Variants in GNAI1 observed in about 807,000 individuals in gnomAD.
The protein encoded by GNAI1 is guanine nucleotide-binding protein G(i) subunit alpha-1.
In GNAI1, 11 loss-of-function variants were observed where a neutral mutation model predicts 38.9. The observed-to-expected ratio is 0.28, with a 90% CI of 0.18 to 0.47. GNAI1 has a LOEUF of 0.47. Among genes scored for constraint, GNAI1 ranks in the 20% least tolerant of loss-of-function variants. The pLI is 0.99. For missense variants in GNAI1, 317 were observed against 436.9 expected, an observed-to-expected ratio of 0.73 and a Z score of 2.45; for synonymous variants, 166 against 145.1, an observed-to-expected ratio of 1.14 and a Z score of -1.04.
intron 1 of GNAI1, among the ~76,000 whole-genome samples, chr7:80,152,285 C>G (rs13244647): frequency 6.6e-6 from 1 of 152,046 alleles, no homozygotes. Context: ...TGGTATTTTT[C>G]CCTCTATTAG....
Position 80,135,202 on chromosome 7 carries a change from G to A in GNAI1, c.42G>A (p.Glu14=). 6.4e-7 allele frequency: 1 copy of A among 1,556,580 alleles called. No individual in the cohort carries two copies. The highest frequency in any genetic ancestry group is 1.2e-5 in the South Asian group (1 of 84,536). ...GCGCCGAGGACAAGGCGGCGGTGGA[G>A]CGGAGTAAGATGATCGACCGCAACC... ...TLSAEDKAAV[E]RSKMIDRNLR... is the part of the protein sequence containing the mutation. The change falls in exon 1 of 8, where the codon GAG becomes GAA. Residue 14 remains glutamate, a synonymous_variant. Coordinates refer to ENST00000649796, the MANE Select transcript of GNAI1 (RefSeq NM_002069.6).
At chr7:80,142,198 T>G (rs1039433245) in intron 1 of GNAI1, among the ~76,000 whole-genome samples, 1 of 152,158 alleles carries the variant, frequency 6.6e-6, no homozygotes, top group Non-Finnish European at 1.5e-5. Flanking sequence ...TTTTAGGTGT[T>G]TGTTATAGCA....
chr7:80,135,289 C>T lies in GNAI1; in HGVS notation c.118+11C>T, dbSNP rs35389352. 3,662 of 1,432,346 alleles carry T rather than the reference C, an allele frequency of 2.6e-3. 3 individuals are homozygous for T. Among genetic ancestry groups the T allele is most frequent in the Non-Finnish European group, 3.2e-3 (3,432 of 1,084,390 alleles). The allele number at this position is 1,432,346 out of a possible 1,614,324, so 88.7% of individuals were successfully genotyped here. A position where few individuals can be genotyped will look rare whatever the true frequency, so the allele number is the denominator to read the frequency against. Reference sequence around the variant, plus strand: ...AGCTGCTGCTGCTCGGTAAGGGCGGCCGGGTCGGGGCCCGGGGGTCGGCGG... The same window carrying T: ...AGCTGCTGCTGCTCGGTAAGGGCGGTCGGGTCGGGGCCCGGGGGTCGGCGG... On this transcript the variant is annotated intron_variant, in intron 1 of 7. Coordinates refer to ENST00000649796, the MANE Select transcript of GNAI1 (RefSeq NM_002069.6).
In GNAI1 at chr7:80,223,807, C is replaced by G. The variant is rs1014583505; in HGVS notation, c.*6314C>G. Reference sequence around the variant, plus strand: ...GTAATAAATATAACTTTTTTGCAGACTTGAGCATACGTTTAAACCATTTAA... The same window carrying G: ...GTAATAAATATAACTTTTTTGCAGAGTTGAGCATACGTTTAAACCATTTAA... On this transcript the variant is annotated 3_prime_UTR_variant, in exon 8 of 8. Coordinates refer to ENST00000649796, the MANE Select transcript of GNAI1 (RefSeq NM_002069.6). Among the ~76,000 whole-genome samples, 1 of 152,086 alleles carries G rather than the reference C, an allele frequency of 6.6e-6. No individual in the cohort carries two copies. The highest frequency in any genetic ancestry group is 2.1e-4 in the South Asian group (1 of 4,832).
Position 80,224,708 on chromosome 7 carries a change from GAC to G in GNAI1, c.*7219_*7220del, listed in dbSNP as rs1028998203. On this transcript the variant is annotated 3_prime_UTR_variant, in exon 8 of 8. Coordinates refer to ENST00000649796, the MANE Select transcript of GNAI1 (RefSeq NM_002069.6). ...ATTTCACAAACATAGGAACTGCACA[GAC>G]ACAGCAGCCACTACCCAGGTGTGAA... Among the ~76,000 whole-genome samples the G allele has an allele frequency of 6.6e-6, 1 of 152,204 alleles. No homozygotes were observed. The highest frequency in any genetic ancestry group is 2.4e-5 in the African/African-American group (1 of 41,460).
intron 1 of GNAI1, among the ~76,000 whole-genome samples, chr7:80,174,275 T>C (rs1420051152): frequency 6.6e-6 from 1 of 152,194 alleles, no homozygotes; most frequent in African/African-American, 2.4e-5. Flanking sequence ...AAACACTTTT[T>C]TCACTCAGAG....
intron 6 of GNAI1, among the ~76,000 whole-genome samples, chr7:80,211,375 A>G (rs1307408409): frequency 6.6e-6 from 1 of 152,112 alleles, no homozygotes; most frequent in East Asian, 1.9e-4. Context: ...TAGTAGTCCA[A>G]GATTCCCTTT....
intron 1 of GNAI1, among the ~76,000 whole-genome samples, chr7:80,171,893 T>A (rs1490949378): frequency 1.3e-5 from 2 of 152,204 alleles, no homozygotes; most frequent in East Asian, 3.9e-4. Context: ...GTACACCACA[T>A]CTCTGTATAT....
At chr7:80,143,858 G>A (rs1467500968) in intron 1 of GNAI1, among the ~76,000 whole-genome samples, 2 of 151,834 alleles carry the variant, frequency 1.3e-5, no homozygotes, top group Non-Finnish European at 2.9e-5. Flanking sequence ...TCATCCATTT[G>A]TGGTCATAGA....
At chr7:80,202,009 C>T (rs1490488423) in intron 4 of GNAI1, among the ~76,000 whole-genome samples, 1 of 152,172 alleles carries the variant, frequency 6.6e-6, no homozygotes, top group Non-Finnish European at 1.5e-5. Context: ...TTTCACAGTG[C>T]CTGCTTTTCT....
intron 1 of GNAI1, among the ~76,000 whole-genome samples, chr7:80,177,360 A>G (rs147973110): frequency 2.0e-5 from 3 of 152,104 alleles, no homozygotes; most frequent in Non-Finnish European, 2.9e-5. Flanking sequence ...GGTTTTCCTA[A>G]TATCTTAAGC....
intron 1 of GNAI1, among the ~76,000 whole-genome samples, chr7:80,141,148 G>A (rs1042839819): frequency 6.6e-6 from 1 of 152,188 alleles, no homozygotes; most frequent in Non-Finnish European, 1.5e-5. Context: ...AGGTTTCAGG[G>A]ATTGGGACAT....
At position 80,218,640 on chromosome 7, in the gene GNAI1, C is replaced by A. The variant is rs1051319214; in HGVS notation, c.*1147C>A. On this transcript the variant is annotated 3_prime_UTR_variant, in exon 8 of 8. Coordinates refer to ENST00000649796, the MANE Select transcript of GNAI1 (RefSeq NM_002069.6). ...TATAACTAATTTCAAATGTAATTATCACACTATGTTAAAATTACTTTTTTC... is the reference window on the plus strand; with the variant it reads ...TATAACTAATTTCAAATGTAATTATAACACTATGTTAAAATTACTTTTTTC... The A allele has an allele frequency of 6.6e-6, 1 of 152,098 alleles. No homozygotes were observed. The highest frequency in any genetic ancestry group is 1.5e-5 in the Non-Finnish European group (1 of 67,998). The allele number at this position is 152,098 out of a possible 1,614,324, so 9.4% of individuals were successfully genotyped here.
chr7:80,206,489 A>G (rs546176553), intron 5 of GNAI1, among the ~76,000 whole-genome samples: 7 of 152,216 alleles, frequency 4.6e-5, no homozygotes, highest in South Asian at 4.1e-4. Flanking sequence ...AAGTAATCAG[A>G]TATGTCTGAT....
Position 80,226,123 on chromosome 7 carries a change from CAACTT to C in GNAI1, c.*8633_*8637del, listed in dbSNP as rs1211111856. Among the ~76,000 whole-genome samples the C allele has an allele frequency of 2.0e-5, 3 of 152,088 alleles. No individual in the cohort carries two copies. Among genetic ancestry groups the C allele is most frequent in the African/African-American group, 4.8e-5 (2 of 41,424 alleles). On this transcript the variant is annotated 3_prime_UTR_variant, in exon 8 of 8. Transcript: ENST00000649796. ...GAAAAAAAAAGACTAGATTTTATAT[CAACTT>C]AATTGTCTTTTGGTTTAAAATTATG...
chr7:80,210,769 A>T (rs1788858851), intron 5 of GNAI1, among the ~76,000 whole-genome samples, 200 bp from the exon 6 acceptor site: 1 of 150,922 alleles, frequency 6.6e-6, no homozygotes. Context: ...CTTCAATCAA[A>T]AATTTTAAAA....
intron 5 of GNAI1, among the ~76,000 whole-genome samples, chr7:80,205,988 A>G (rs1398167976): frequency 6.6e-6 from 1 of 151,956 alleles, no homozygotes; most frequent in East Asian, 1.9e-4. Context: ...ATCTTGGAAA[A>G]AAAGGTTCCT....
rs1789100822 is a variant in GNAI1, at chr7:80,222,682, T to C, written c.*5189T>C. On this transcript the variant is annotated 3_prime_UTR_variant, in exon 8 of 8. Coordinates refer to ENST00000649796, the MANE Select transcript of GNAI1 (RefSeq NM_002069.6). Reference sequence around the variant, plus strand: ...GATTACAGGTGTGAGCCACCGCACCTGGCCAAAATATTTTTAATTGATTAA... The same window carrying C: ...GATTACAGGTGTGAGCCACCGCACCCGGCCAAAATATTTTTAATTGATTAA... Among the ~76,000 whole-genome samples the C allele has an allele frequency of 6.6e-6, 1 of 152,108 alleles. No individual in the cohort carries two copies. Among genetic ancestry groups the C allele is most frequent in the Non-Finnish European group, 1.5e-5 (1 of 68,020 alleles).
chr7:80,210,530 G>T (rs962348475), intron 5 of GNAI1, among the ~76,000 whole-genome samples: 1 of 152,076 alleles, frequency 6.6e-6, no homozygotes, highest in African/African-American at 2.4e-5. Context: ...AGGAGGAGGG[G>T]TCTCTGTTCT....
Sources: allele counts gnomAD v4.1 joint callset (sites outside exome capture counted in the v4.1 genomes callset), GRCh38; gene constraint gnomAD v4.1.1; transcripts MANE v1.5; gene names NCBI Gene and HGNC (gene_info 2026-07-23, HGNC 2026-07-21).